The following CAMSAP2 variants were observed in gnomAD, a reference collection of about 807,000 sequenced individuals.
The protein encoded by CAMSAP2 is calmodulin-regulated spectrin-associated protein 2.
In CAMSAP2, 26 loss-of-function variants were observed where a neutral mutation model predicts 146.1. That is an observed-to-expected ratio of 0.18 (90% CI 0.13 to 0.25). CAMSAP2 has a LOEUF of 0.25. CAMSAP2 is among the 10% of genes least tolerant of loss of function. CAMSAP2 has a pLI of 1.00. For synonymous variants in CAMSAP2, 499 were observed against 596.6 expected (o/e 0.84, Z 2.38); for missense variants, 1,381 against 1,759.3 (o/e 0.78, Z 3.85).
Position 200,850,200 on chromosome 1 carries a change from A to G in CAMSAP2, c.3431A>G (p.Asp1144Gly). 1 of 1,598,082 alleles carries G rather than the reference A, an allele frequency of 6.3e-7. No individual in the cohort carries two copies. Among genetic ancestry groups the G allele is most frequent in the South Asian group, 1.1e-5 (1 of 88,510 alleles). Reference sequence around the variant, plus strand: ...GAAAGTGATAAAGAACAATTTGATGATGACCAGAAAGTATGCTGTGGATTC... The same window carrying G: ...GAAAGTGATAAAGAACAATTTGATGGTGACCAGAAAGTATGCTGTGGATTC... ...DGESDKEQFD[D>G]DQKVCCGFFF... The change falls in exon 11 of 17, where the codon GAT becomes GGT. Residue 1144 changes from aspartate to glycine, a missense_variant. Coordinates refer to ENST00000358823, the MANE Select transcript of CAMSAP2 (RefSeq NM_203459.4).
intron 1 of CAMSAP2, among the ~76,000 whole-genome samples, chr1:200,756,026 T>C (rs1054208220): frequency 6.6e-6 from 1 of 151,676 alleles, no homozygotes; most frequent in Non-Finnish European, 1.5e-5. Flanking sequence ...ACAGGAAGAG[T>C]TGGGTGTTTG....
In CAMSAP2 at chr1:200,739,728, T is replaced by A. The variant is rs1007195967; in HGVS notation, c.-100T>A. On this transcript the variant is annotated 5_prime_UTR_variant, in exon 1 of 17. The change abolishes an upstream ATG in the 5' untranslated region. Transcript: ENST00000358823. This position sits in a 1 kb window ranked among gnomAD's most constrained non-coding sequence, Gnocchi z 4.8. ...CGGGCGGACATCGCCCGGGCCCCGA[T>A]GGTTTGAGCTTGCTTCTCCCTCCCT... 2 of 1,166,014 alleles carry A rather than the reference T, an allele frequency of 1.7e-6. No homozygotes were observed. Among genetic ancestry groups the A allele is most frequent in the African/African-American group, 1.6e-5 (1 of 62,802 alleles). The allele number at this position is 1,166,014 out of a possible 1,614,324, so 72.2% of individuals were successfully genotyped here. A position where few individuals can be genotyped will look rare whatever the true frequency, so the allele number is the denominator to read the frequency against.
In CAMSAP2 at chr1:200,857,329, A is replaced by G. The variant is rs1325354427; in HGVS notation, c.4036A>G (p.Ser1346Gly). Residue 1346 changes from serine (S) to glycine (G), a missense_variant, in exon 16 of 17, where the codon AGT becomes GGT. Around this residue, in one of 4 missense-constraint regions of CAMSAP2, gnomAD observed 90 missense variants for 174.4 expected, o/e 0.52. Coordinates refer to ENST00000358823, the MANE Select transcript of CAMSAP2 (RefSeq NM_203459.4). This position sits in a 1 kb window ranked among gnomAD's most constrained non-coding sequence, Gnocchi z 4.7. ...AGGACCAAAGCTCTACAAAGAACCC[A>G]GTGCAAAATCCAATAAGCACATAAT... Reference protein sequence around the residue: ...YTGPKLYKEPSAKSNKHIIQN... With the variant: ...YTGPKLYKEPGAKSNKHIIQN... 1 of 1,612,808 alleles carries G rather than the reference A, an allele frequency of 6.2e-7. No homozygotes were observed. Among genetic ancestry groups the G allele is most frequent in the Non-Finnish European group, 8.5e-7 (1 of 1,179,012 alleles).
intron 2 of CAMSAP2, among the ~76,000 whole-genome samples, chr1:200,792,835 G>C (rs1218284890): frequency 6.6e-6 from 1 of 152,142 alleles, no homozygotes; most frequent in Non-Finnish European, 1.5e-5. Flanking sequence ...AGTGTTTTGT[G>C]GCTTAATTAT....
intron 2 of CAMSAP2, among the ~76,000 whole-genome samples, chr1:200,765,651 A>G (rs1302604337): frequency 6.6e-6 from 1 of 152,200 alleles, no homozygotes. Context: ...TAAGTGTTCT[A>G]ACTTTAAGCA....
At chr1:200,802,932 T>C (rs1666073859) in intron 2 of CAMSAP2, among the ~76,000 whole-genome samples, 1 of 152,222 alleles carries the variant, frequency 6.6e-6, no homozygotes, top group East Asian at 1.9e-4. Context: ...TGGATGATAC[T>C]TCAGCTCTCA....
chr1:200,847,030 A>G (rs561937891), intron 8 of CAMSAP2, among the ~76,000 whole-genome samples, 180 bp from the exon 9 acceptor site: 47 of 152,186 alleles, frequency 3.1e-4, no homozygotes, highest in Non-Finnish European at 6.8e-4. Context: ...AAGACATAAA[A>G]TATATATAGA....
chr1:200,833,712 A>G (rs1408012971), intron 6 of CAMSAP2, among the ~76,000 whole-genome samples: 1 of 152,190 alleles, frequency 6.6e-6, no homozygotes, highest in African/African-American at 2.4e-5. Context: ...TTCTTAAAGA[A>G]TTTTTAATTT....
In CAMSAP2 at chr1:200,847,241, C is replaced by T. The variant is rs1327500265; in HGVS notation, c.1141C>T (p.His381Tyr). 1 of 1,612,192 alleles carries T rather than the reference C, an allele frequency of 6.2e-7. No homozygotes were observed. Among genetic ancestry groups the T allele is most frequent in the Non-Finnish European group, 8.5e-7 (1 of 1,179,040 alleles). Residue 381 changes from histidine to tyrosine, a missense_variant, in exon 9 of 17, where the codon CAT becomes TAT. Transcript: ENST00000358823. The stretch of plus-strand genomic sequence containing the variant: ...AGGAGCTACATTTACACAGTCTCAT[C>T]ATCATTTGCCTTCTAGGTATTCACG... Reference protein sequence around the residue: ...GEGATFTQSHHHLPSRYSRPQ... With the variant: ...GEGATFTQSHYHLPSRYSRPQ...
At chr1:200,797,884 A>C (rs1412227926) in intron 2 of CAMSAP2, among the ~76,000 whole-genome samples, 1 of 149,368 alleles carries the variant, frequency 6.7e-6, no homozygotes, top group Non-Finnish European at 1.5e-5. Context: ...TCAGCTTTCT[A>C]CATATGGCTA....
intron 1 of CAMSAP2, among the ~76,000 whole-genome samples, chr1:200,742,910 T>C (rs1664220204): frequency 6.6e-6 from 1 of 152,154 alleles, no homozygotes; most frequent in South Asian, 2.1e-4. Context: ...TAATTTGAAG[T>C]CTTAGGAGCC....
At chr1:200,816,978 AT>A (rs1666570923) in intron 4 of CAMSAP2, among the ~76,000 whole-genome samples, 1 of 132,916 alleles carries the variant, frequency 7.5e-6, no homozygotes, top group Non-Finnish European at 1.7e-5. Context: ...ATGTGTATAT[AT>A]CTACACATAT....
chr1:200,819,903 G>A (rs143014482), intron 4 of CAMSAP2, among the ~76,000 whole-genome samples: 1,563 of 152,162 alleles, frequency 0.01, 13 homozygotes, highest in Middle Eastern at 0.017. Flanking sequence ...AGGTCATAAG[G>A]AACAATATAA....
chr1:200,824,961 A>G (rs1571802998), intron 4 of CAMSAP2, among the ~76,000 whole-genome samples: 3 of 152,338 alleles, frequency 2.0e-5, no homozygotes, highest in African/African-American at 7.2e-5. Context: ...CCTAGGTGAC[A>G]GAGTGAGACT....
chr1:200,829,167 A>G (rs1312636214), intron 4 of CAMSAP2, among the ~76,000 whole-genome samples: 1 of 152,174 alleles, frequency 6.6e-6, no homozygotes, highest in Non-Finnish European at 1.5e-5. Context: ...AACAAAAACA[A>G]AAACAAAAAT....
At chr1:200,764,859 T>C (rs1271613516) in intron 2 of CAMSAP2, among the ~76,000 whole-genome samples, 1 of 152,128 alleles carries the variant, frequency 6.6e-6, no homozygotes, top group African/African-American at 2.4e-5. Context: ...ATCCCAGCAC[T>C]TTGGGAGGCC....
At chr1:200,763,359 C>G (rs920926405) in intron 2 of CAMSAP2, among the ~76,000 whole-genome samples, 1 of 152,126 alleles carries the variant, frequency 6.6e-6, no homozygotes, top group African/African-American at 2.4e-5. Flanking sequence ...GCTAACATGG[C>G]GAAACCCCAT....
At chr1:200,756,416 G>A (rs1571720268) in intron 1 of CAMSAP2, among the ~76,000 whole-genome samples, 1 of 151,712 alleles carries the variant, frequency 6.6e-6, no homozygotes, top group Non-Finnish European at 1.5e-5. Context: ...TCACGTCACT[G>A]CACTCCAGCC....
intron 3 of CAMSAP2, among the ~76,000 whole-genome samples, chr1:200,810,061 T>G (rs1004384026): frequency 6.6e-6 from 1 of 152,168 alleles, no homozygotes; most frequent in African/African-American, 2.4e-5. Context: ...CAGTGGAGAT[T>G]AAGTTTCAAC....
Sources: allele counts gnomAD v4.1 joint callset (sites outside exome capture counted in the v4.1 genomes callset), GRCh38; gene constraint gnomAD v4.1.1; regional missense constraint gnomAD v4.1.1; non-coding constraint Gnocchi (gnomAD v3.1); transcripts MANE v1.5; gene names NCBI Gene and HGNC (gene_info 2026-07-23, HGNC 2026-07-21).